NPAS3: variants seen among roughly 807,000 people sequenced by gnomAD.
NPAS3 encodes neuronal PAS domain-containing protein 3.
In NPAS3, 14 loss-of-function variants were observed where a neutral mutation model predicts 73.1. The observed-to-expected ratio is 0.19, with a 90% confidence interval of 0.13 to 0.30. The LOEUF is 0.30. NPAS3 is among the 10% of genes least tolerant of loss of function. NPAS3 has a pLI of 1.00. For missense variants in NPAS3, 1,096 were observed against 1,250.0 expected (o/e 0.88, Z 1.86); for synonymous variants, 620 against 541.5 (o/e 1.14, Z -2.01).
intron 3 of NPAS3, among the ~76,000 whole-genome samples, chr14:33,343,596 T>G (rs531328472): frequency 6.6e-6 from 1 of 152,212 alleles, no homozygotes; most frequent in Non-Finnish European, 1.5e-5. Context: ...TTCTGGAACA[T>G]TCTTCGGATT....
At position 33,582,970 on chromosome 14, in the gene NPAS3, G is replaced by GTTTTTTTTTTTTTTTTTTT. The variant is rs55885070; in HGVS notation, c.558+22776_558+22777insTTTTTTTTTTTTTTTTTTT. On this transcript the variant is annotated intron_variant, in intron 5 of 11. Coordinates refer to ENST00000356141, the Ensembl canonical transcript of NPAS3. Reference sequence around the variant, plus strand: ...TCCTTTGGACCTAGATATTTAAAGGGTTTTTTTTTTTTTTTTGGCTACTGG... The same window carrying GTTTTTTTTTTTTTTTTTTT: ...TCCTTTGGACCTAGATATTTAAAGGGTTTTTTTTTTTTTTTTTTTTTTTTTTTTTTTTTTTGGCTACTGG... Among the ~76,000 whole-genome samples the GTTTTTTTTTTTTTTTTTTT allele has an allele frequency of 3.5e-3, 328 of 93,154 alleles. 21 individuals are homozygous for GTTTTTTTTTTTTTTTTTTT. The highest frequency in any genetic ancestry group is 0.011 in the African/African-American group (139 of 12,758). The allele number at this position is 93,154 out of a possible 152,430, so 61.1% of individuals were successfully genotyped here. A position where few individuals can be genotyped will look rare whatever the true frequency, so the allele number is the denominator to read the frequency against.
exon 7 of NPAS3, chr14:33,735,257 T>C (rs769905118): frequency 1.2e-6 from 2 of 1,613,682 alleles, no homozygotes; most frequent in Non-Finnish European, 1.7e-6. Flanking sequence ...ACAACACTCT[T>C]GAGCGTTCCT....
rs568748186 is a variant in NPAS3, at chr14:33,672,792, A to G, written c.559-3419A>G. ...GGCTTACAGCCCTGTTTCTACCACTAAACAGCTGGGTAAACTTGAACATGC... is the reference window on the plus strand; with the variant it reads ...GGCTTACAGCCCTGTTTCTACCACTGAACAGCTGGGTAAACTTGAACATGC... On this transcript the variant is annotated intron_variant, in intron 5 of 11. Transcript: ENST00000356141. Among the ~76,000 whole-genome samples, 39 of 152,234 alleles carry G rather than the reference A, an allele frequency of 2.6e-4. No homozygotes were observed. In the East Asian group the frequency reaches 3.9e-3, roughly 15 times the overall value.
chr14:32,951,678 A>C (rs945626570), intron 1 of NPAS3, among the ~76,000 whole-genome samples: 1 of 152,144 alleles, frequency 6.6e-6, no homozygotes, highest in African/African-American at 2.4e-5. Flanking sequence ...TGAAGAAGGA[A>C]GTTAACAATG....
rs769027628 is a variant in NPAS3 at position 33,367,222 on chromosome 14, T to C, written c.422T>C (p.Leu141Pro). Residue 141 changes from leucine (L) to proline (P), a missense_variant, in exon 4 of 12, where the codon CTA (leucine) becomes CCA (proline). By Grantham distance (98) the Leu-to-Pro change is moderately conservative (BLOSUM62 -3). Transcript: ENST00000356141. ...CAGCGAAGGAGAAGCCCCAGTGCACTAGCCATTGAAGTATTTGAAGCACAT... is the reference window on the plus strand; with the variant it reads ...CAGCGAAGGAGAAGCCCCAGTGCACCAGCCATTGAAGTATTTGAAGCACAT... The C allele has an allele frequency of 3.5e-6, 3 of 868,544 alleles. No homozygotes were observed. The Admixed American group carries it at 5.2e-5, about 15-fold the overall frequency. 53.8% of individuals were successfully genotyped at this position (868,544 alleles called of 1,614,324 possible).
Position 33,081,669 on chromosome 14 carries a change from A to G in NPAS3, c.140+25675A>G, listed in dbSNP as rs536074002. Among the ~76,000 whole-genome samples, 29 of 152,340 alleles carry G rather than the reference A, an allele frequency of 1.9e-4. No homozygotes were observed. The South Asian group carries it at 5.4e-3, about 28-fold the overall frequency. ...CTTTTGCATTCATAATTTAAACTGG[A>G]TCAAGGATTCCTGCTGTCCAGGATC... On this transcript the variant is annotated intron_variant, in intron 2 of 11. Transcript: ENST00000356141.
At chr14:33,515,190 C>T (rs1369202352) in intron 4 of NPAS3, among the ~76,000 whole-genome samples, 1 of 152,108 alleles carries the variant, frequency 6.6e-6, no homozygotes, top group East Asian at 1.9e-4. Context: ...TCACTTCATA[C>T]CCCTAGGTTA....
At chr14:33,765,476 A>G (rs960674644) in intron 7 of NPAS3, among the ~76,000 whole-genome samples, 80 of 152,198 alleles carry the variant, frequency 5.3e-4, no homozygotes, top group African/African-American at 1.7e-3. Context: ...GGCTTACAGC[A>G]CTACAGTGCA....
At chr14:33,051,280 C>CAAAAAAAAAAAAAAAAA (rs1236766783) in intron 1 of NPAS3, among the ~76,000 whole-genome samples, 17 of 64,222 alleles carry the variant, frequency 2.6e-4, no homozygotes, top group African/African-American at 9.0e-4. Flanking sequence ...GACTCCGTCT[C>CAAAAAAAAAAAAAAAAA]AAAAAAAAAA....
At chr14:33,777,805 C>T (rs555143596) in intron 8 of NPAS3, among the ~76,000 whole-genome samples, 57 of 152,238 alleles carry the variant, frequency 3.7e-4, no homozygotes, top group African/African-American at 1.2e-3. Context: ...CACGTACTGT[C>T]GAGCACAAGC....
At chr14:33,165,910 C>G (rs1328672401) in intron 2 of NPAS3, among the ~76,000 whole-genome samples, 1 of 152,112 alleles carries the variant, frequency 6.6e-6, no homozygotes, top group Non-Finnish European at 1.5e-5. Flanking sequence ...TACTTTGTGT[C>G]CCCCCATCCC....
chr14:33,337,345 G>T (rs944742589), intron 3 of NPAS3, among the ~76,000 whole-genome samples: 1 of 152,040 alleles, frequency 6.6e-6, no homozygotes, highest in African/African-American at 2.4e-5. Flanking sequence ...TTGTTGGAAA[G>T]ATCATCTTTT....
chr14:33,050,788 A>G (rs1234932017), intron 1 of NPAS3, among the ~76,000 whole-genome samples: 1 of 152,136 alleles, frequency 6.6e-6, no homozygotes, highest in Non-Finnish European at 1.5e-5. Flanking sequence ...AAAATATTTG[A>G]CCCTACAATG....
intron 2 of NPAS3, among the ~76,000 whole-genome samples, chr14:33,158,966 C>A (rs1442526920): frequency 6.6e-6 from 1 of 152,172 alleles, no homozygotes; most frequent in South Asian, 2.1e-4. Context: ...AGTTCGAGAC[C>A]AGCCTGGCCA....
chr14:32,934,897 G>C (rs2035647901), upstream of NPAS3: 1 of 939,196 alleles, frequency 1.1e-6, no homozygotes, highest in Non-Finnish European at 1.3e-6. This position sits in a 1 kb window ranked among gnomAD's most constrained non-coding sequence, Gnocchi z 4.1. Context: ...CGCGGCGGCC[G>C]GCGGGGCGGC....
At chr14:33,661,979 A>G (rs1165468372) in intron 5 of NPAS3, among the ~76,000 whole-genome samples, 1 of 152,220 alleles carries the variant, frequency 6.6e-6, no homozygotes, top group African/African-American at 2.4e-5. Context: ...GAAGGTTTTG[A>G]TAACCACATG....
intron 5 of NPAS3, among the ~76,000 whole-genome samples, chr14:33,582,856 G>A (rs1282689004): frequency 6.6e-6 from 1 of 151,690 alleles, no homozygotes; most frequent in Non-Finnish European, 1.5e-5. Context: ...AGCACACAAA[G>A]AGCATAAAAT....
intron 1 of NPAS3, among the ~76,000 whole-genome samples, chr14:33,008,334 A>G (rs1297143667): frequency 6.6e-6 from 1 of 152,246 alleles, no homozygotes; most frequent in Non-Finnish European, 1.5e-5. Context: ...AACATATACA[A>G]TACAACACTG....
At chr14:33,536,731 G>A (rs1460326981) in intron 4 of NPAS3, among the ~76,000 whole-genome samples, 6 of 152,016 alleles carry the variant, frequency 3.9e-5, no homozygotes, top group Admixed American at 2.0e-4. Flanking sequence ...TCTACTTTCA[G>A]ATATGGTAAA....
Sources: gnomAD v4.1 joint callset for allele counts (sites outside exome capture counted in the v4.1 genomes callset) on GRCh38, gnomAD v4.1.1 for gene constraint, Gnocchi (gnomAD v3.1) non-coding constraint, MANE v1.5 for transcripts, NCBI Gene and HGNC (gene_info 2026-07-23, HGNC 2026-07-21) for gene names.